The following SLC36A1 variants were observed in gnomAD, a reference collection of about 807,000 sequenced individuals.
SLC36A1 encodes the protein proton-coupled amino acid transporter 1.
Under a neutral mutation model 47.5 loss-of-function variants are expected in SLC36A1, and 30 were observed. The observed-to-expected ratio is 0.63, with a 90% CI of 0.47 to 0.86. SLC36A1 has a LOEUF of 0.86. Among genes scored for constraint, SLC36A1 ranks in the 40% least tolerant of loss-of-function variants. The probability of loss-of-function intolerance (pLI) is 0.00; values close to 1 mark genes in which losing one functional copy is unlikely to be tolerated. For synonymous variants in SLC36A1, 255 were observed against 249.7 expected (o/e 1.02, Z -0.20); for missense variants, 517 against 606.0 (o/e 0.85, Z 1.54).
chr5:151,384,766 A>G, the SLC36A1 span, among the ~76,000 whole-genome samples: 3 of 152,142 alleles, frequency 2.0e-5, no homozygotes, highest in Admixed American at 6.6e-5. Flanking sequence ...AGCTTAAAAT[A>G]TGCAACCCTC....
chr5:151,408,503 A>G, the SLC36A1 span, among the ~76,000 whole-genome samples: 1 of 152,194 alleles, frequency 6.6e-6, no homozygotes, highest in African/African-American at 2.4e-5. Context: ...GTGTTTTAAC[A>G]TAAGATTAAT....
the SLC36A1 span, chr5:151,540,908 A>G: frequency 1.5e-6 from 1 of 681,818 alleles, no homozygotes; most frequent in East Asian, 2.8e-5. Context: ...CCACGATTCT[A>G]CACTGAGTCC....
the SLC36A1 span, among the ~76,000 whole-genome samples, chr5:151,501,562 G>A: frequency 6.7e-6 from 1 of 148,222 alleles, no homozygotes; most frequent in East Asian, 1.9e-4. Flanking sequence ...GATTACAGGT[G>A]TGAGCCACAC....
chr5:151,531,554 G>A, the SLC36A1 span: 18 of 1,610,330 alleles, frequency 1.1e-5, no homozygotes, highest in South Asian at 1.3e-4. The surrounding 1 kb of genome is among the most constrained non-coding windows in gnomAD (Gnocchi z 5.7). Flanking sequence ...CCCTGTACGC[G>A]ATGCTTTGGG....
At chr5:151,522,115 C>G in the SLC36A1 span, 2 of 1,520,068 alleles carry the variant, frequency 1.3e-6, no homozygotes, top group Non-Finnish European at 8.9e-7. Flanking sequence ...CTGCTGTCAC[C>G]CAACAGAACT....
chr5:151,510,453 C>G, the SLC36A1 span: 1 of 292,952 alleles, frequency 3.4e-6, no homozygotes, highest in Non-Finnish European at 6.6e-6. Flanking sequence ...TAGTGCTAGT[C>G]ACTGTTCCAA....
At chr5:151,430,367 C>T in the SLC36A1 span, among the ~76,000 whole-genome samples, 1 of 145,420 alleles carries the variant, frequency 6.9e-6, no homozygotes, top group Admixed American at 6.8e-5. Context: ...CTCACTCAGT[C>T]ACCCAGGCTG....
the SLC36A1 span, among the ~76,000 whole-genome samples, chr5:151,364,475 A>G: frequency 6.6e-6 from 1 of 152,276 alleles, no homozygotes; most frequent in African/African-American, 2.4e-5. Context: ...CTACATCCTC[A>G]TCAAATCTTG....
At chr5:151,376,423 C>T in the SLC36A1 span, among the ~76,000 whole-genome samples, 1 of 151,752 alleles carries the variant, frequency 6.6e-6, no homozygotes, top group East Asian at 1.9e-4. Context: ...TCATTTAGTT[C>T]TGCTCTAATC....
intron 8 of SLC36A1, among the ~76,000 whole-genome samples, chr5:151,474,108 CAAG>C (rs1757702778): frequency 1.5e-5 from 2 of 136,452 alleles, no homozygotes; most frequent in South Asian, 4.7e-4. Context: ...TGCAGTGAGC[CAAG>C]ATCACGCCAC....
At chr5:151,461,525 T>A (rs1755512257) in intron 2 of SLC36A1, among the ~76,000 whole-genome samples, 2 of 152,194 alleles carry the variant, frequency 1.3e-5, no homozygotes, top group South Asian at 4.1e-4. Context: ...TTGCAAAATG[T>A]GGTCTGCACA....
chr5:151,536,353 C>T, the SLC36A1 span, among the ~76,000 whole-genome samples: 1 of 152,132 alleles, frequency 6.6e-6, no homozygotes, highest in Non-Finnish European at 1.5e-5. Context: ...ACAGCATTGT[C>T]CCCTATCTAC....
At chr5:151,497,433 T>A in the SLC36A1 span, among the ~76,000 whole-genome samples, 392 of 152,362 alleles carry the variant, frequency 2.6e-3, 4 homozygotes, top group African/African-American at 9.1e-3. Context: ...TTACTTGGAA[T>A]AAATCCTACT....
intron 2 of SLC36A1, among the ~76,000 whole-genome samples, chr5:151,462,438 C>T (rs1339094678): frequency 6.6e-6 from 1 of 151,642 alleles, no homozygotes; most frequent in African/African-American, 2.4e-5. Flanking sequence ...AATCTTGGCT[C>T]ACTGCAACCT....
At chr5:151,529,475 G>T in the SLC36A1 span, 4 of 1,193,898 alleles carry the variant, frequency 3.4e-6, no homozygotes, top group African/African-American at 6.0e-5. Flanking sequence ...CCAGCCCTAG[G>T]AGAGGCAGCT....
chr5:151,546,450 A>C, the SLC36A1 span: 1 of 681,024 alleles, frequency 1.5e-6, no homozygotes, highest in Non-Finnish European at 2.5e-6. Flanking sequence ...CAAAATCTGC[A>C]TATAGTGTAT....
At chr5:151,533,798 A>G in the SLC36A1 span, among the ~76,000 whole-genome samples, 1 of 152,100 alleles carries the variant, frequency 6.6e-6, no homozygotes, top group African/African-American at 2.4e-5. Context: ...ATATGTATGT[A>G]TACATGCAGG....
At chr5:151,409,698 G>A in the SLC36A1 span, among the ~76,000 whole-genome samples, 26 of 152,302 alleles carry the variant, frequency 1.7e-4, no homozygotes, top group Admixed American at 5.2e-4. Context: ...GGAAATTTGT[G>A]TGCACATCAG....
At chr5:151,377,058 T>C in the SLC36A1 span, among the ~76,000 whole-genome samples, 1 of 152,244 alleles carries the variant, frequency 6.6e-6, no homozygotes, top group Non-Finnish European at 1.5e-5. Context: ...TCTAGTTTTG[T>C]TTCCCTGTGG....
Sources: allele counts gnomAD v4.1 joint callset (sites outside exome capture counted in the v4.1 genomes callset), GRCh38; gene constraint gnomAD v4.1.1; non-coding constraint Gnocchi (gnomAD v3.1); transcripts MANE v1.5; gene names NCBI Gene and HGNC (gene_info 2026-07-23, HGNC 2026-07-21).